The following GPHN variants were observed in gnomAD, a reference collection of about 807,000 sequenced individuals.
The protein encoded by GPHN is gephyrin.
In GPHN, 17 loss-of-function variants were observed where a neutral mutation model predicts 95.5. The ratio of observed to expected loss-of-function variants is 0.18; its 90% CI spans 0.12 to 0.27. The LOEUF (loss-of-function observed/expected upper bound fraction) is 0.27. Ranked by LOEUF, GPHN falls within the 10% of genes least tolerant of loss-of-function variation. GPHN has a pLI of 1.00. For missense variants in GPHN, 660 were observed against 978.1 expected (o/e 0.67, Z 4.34); for synonymous variants, 320 against 322.5 (o/e 0.99, Z 0.08).
At chr14:67,657,877 T>A in the GPHN span, among the ~76,000 whole-genome samples, 1 of 151,080 alleles carries the variant, frequency 6.6e-6, no homozygotes, top group Non-Finnish European at 1.5e-5. Flanking sequence ...GCCTCCCAAG[T>A]AACTGGGATT....
intron 4 of GPHN, among the ~76,000 whole-genome samples, chr14:66,838,920 T>C (rs950389777): frequency 1.2e-4 from 18 of 152,202 alleles, no homozygotes; most frequent in African/African-American, 4.3e-4. Context: ...TGTTACTGCC[T>C]GCCATAAAAG....
intron 1 of GPHN, among the ~76,000 whole-genome samples, chr14:66,629,200 A>G (rs965861884): frequency 7.0e-6 from 1 of 142,550 alleles, no homozygotes; most frequent in Non-Finnish European, 1.5e-5. Flanking sequence ...TATGTATATA[A>G]ATATATATTT....
At chr14:66,962,799 A>T (rs1213961485) in intron 8 of GPHN, among the ~76,000 whole-genome samples, 1 of 150,608 alleles carries the variant, frequency 6.6e-6, no homozygotes, top group Non-Finnish European at 1.5e-5. Flanking sequence ...CTTGATACTC[A>T]CCCATCTCGA....
At chr14:67,593,538 T>A in the GPHN span, 3 of 532,078 alleles carry the variant, frequency 5.6e-6, no homozygotes, top group Non-Finnish European at 9.9e-6. Context: ...AAAATGCCAG[T>A]GATAATTTTG....
intron 1 of GPHN, among the ~76,000 whole-genome samples, chr14:66,552,126 A>C (rs2059835910): frequency 1.3e-5 from 2 of 152,144 alleles, no homozygotes; most frequent in Non-Finnish European, 2.9e-5. Context: ...CTACTTACTC[A>C]TTAATGTCTG....
the GPHN span, chr14:67,383,903 A>C: frequency 4.8e-6 from 1 of 206,672 alleles, no homozygotes; most frequent in Non-Finnish European, 9.9e-6. Flanking sequence ...AAGCATTTTA[A>C]TACTAAGACC....
At chr14:67,717,137 G>A in the GPHN span, among the ~76,000 whole-genome samples, 4 of 151,970 alleles carry the variant, frequency 2.6e-5, no homozygotes, top group South Asian at 6.2e-4. Flanking sequence ...TATTTATTTA[G>A]TTTTTTTTCC....
intron 11 of GPHN, among the ~76,000 whole-genome samples, chr14:67,078,919 CT>C (rs2076591959): frequency 2.0e-5 from 3 of 151,932 alleles, no homozygotes; most frequent in African/African-American, 7.3e-5. Context: ...ATGCTTTTCT[CT>C]TTGAGGAGAC....
intron 8 of GPHN, among the ~76,000 whole-genome samples, chr14:66,944,759 A>G (rs1296159890): frequency 6.6e-6 from 1 of 152,260 alleles, no homozygotes; most frequent in Non-Finnish European, 1.5e-5. Context: ...TCCACCAGTG[A>G]GAAAAACTTA....
At chr14:67,574,862 T>G in the GPHN span, among the ~76,000 whole-genome samples, 1 of 152,178 alleles carries the variant, frequency 6.6e-6, no homozygotes, top group Non-Finnish European at 1.5e-5. The surrounding 1 kb of genome is among the most constrained non-coding windows in gnomAD (Gnocchi z 4.2). Context: ...AAAATGGAAG[T>G]TAACAAGGAA....
chr14:67,424,563 C>T, the GPHN span, among the ~76,000 whole-genome samples: 2 of 146,258 alleles, frequency 1.4e-5, no homozygotes, highest in African/African-American at 2.6e-5. Context: ...TGTGCCACTG[C>T]ACTCCAGGTT....
rs552618406 is a variant in GPHN, at chr14:66,828,477, G to A, written c.294+3911G>A. Among the ~76,000 whole-genome samples the A allele has an allele frequency of 4.6e-5, 7 of 152,198 alleles. No homozygotes were observed. The South Asian group carries it at 1.5e-3, about 32-fold the overall frequency. On this transcript the variant is annotated intron_variant, in intron 4 of 22. Coordinates refer to ENST00000478722, the MANE Select transcript of GPHN (RefSeq NM_020806.5). ...TACCTATATTATATACATCAGGATT[G>A]CCAATATTTTTAAATGAGGTCAGAA...
chr14:66,630,371 T>C (rs550555006), intron 1 of GPHN, among the ~76,000 whole-genome samples: 1 of 152,276 alleles, frequency 6.6e-6, no homozygotes, highest in South Asian at 2.1e-4. Context: ...TCCTTAGTGA[T>C]TTAAAATAGA....
At chr14:66,700,978 T>C (rs944640204) in intron 2 of GPHN, among the ~76,000 whole-genome samples, 1 of 152,204 alleles carries the variant, frequency 6.6e-6, no homozygotes, top group African/African-American at 2.4e-5. Flanking sequence ...CACAACTATT[T>C]GAAATTTGCT....
At chr14:66,614,201 T>TATATTAATTTGAGA (rs1313931590) in intron 1 of GPHN, among the ~76,000 whole-genome samples, 1 of 152,136 alleles carries the variant, frequency 6.6e-6, no homozygotes, top group East Asian at 1.9e-4. Flanking sequence ...TTTTTATAAC[T>TATATTAATTTGAGA]ATATTAATTT....
chr14:67,639,115 T>C, the GPHN span, among the ~76,000 whole-genome samples: 1 of 152,218 alleles, frequency 6.6e-6, no homozygotes, highest in East Asian at 1.9e-4. Context: ...TTCTATGAAA[T>C]TCAGTCTCTC....
chr14:67,621,543 C>A, the GPHN span, among the ~76,000 whole-genome samples: 3 of 151,676 alleles, frequency 2.0e-5, no homozygotes, highest in Non-Finnish European at 4.4e-5. Context: ...GCAACCTCCA[C>A]CTTCTGGGTT....
the GPHN span, among the ~76,000 whole-genome samples, chr14:67,420,290 G>A: frequency 1.3e-5 from 2 of 152,152 alleles, no homozygotes; most frequent in East Asian, 1.9e-4. Context: ...ACCCAGCTCC[G>A]CCTCTGGGAG....
the GPHN span, among the ~76,000 whole-genome samples, chr14:67,349,453 TATTGA>T: frequency 6.6e-6 from 1 of 152,258 alleles, no homozygotes; most frequent in East Asian, 1.9e-4. Flanking sequence ...CTAGGTTTGC[TATTGA>T]ATTGGTTAAG....
Sources: gnomAD v4.1 joint callset for allele counts (sites outside exome capture counted in the v4.1 genomes callset) on GRCh38, gnomAD v4.1.1 for gene constraint, Gnocchi (gnomAD v3.1) non-coding constraint, MANE v1.5 for transcripts, NCBI Gene and HGNC (gene_info 2026-07-23, HGNC 2026-07-21) for gene names.